PCDHA4: variants seen among roughly 807,000 people sequenced by gnomAD.
PCDHA4 encodes the protein protocadherin alpha-4.
A neutral mutation model predicts 61.4 loss-of-function variants in PCDHA4; 49 were observed. The ratio of observed to expected loss-of-function variants is 0.80; its 90% CI spans 0.63 to 1.01. The LOEUF (loss-of-function observed/expected upper bound fraction) is 1.01, where lower values mean the gene tolerates loss of function less well. Ranked by LOEUF, PCDHA4 falls within the 50% of genes least tolerant of loss-of-function variation. PCDHA4 has a pLI of 0.00. For missense variants in PCDHA4, 1,254 were observed against 1,235.8 expected, an observed-to-expected ratio of 1.01 and a Z score of -0.22; for synonymous variants, 590 against 550.3, an observed-to-expected ratio of 1.07 and a Z score of -1.01.
chr5:140,830,345 C>A lies in PCDHA4; in HGVS notation c.2385+20773C>A, dbSNP rs1275311628. ...CGCAGTGGGGAGCTGGTCGTACTCG[C>A]AGCAGAGGCGGCAGAGGGTGTGCTC... On this transcript the variant is annotated intron_variant, in intron 1 of 3. Transcript: ENST00000530339. 1.2e-6 allele frequency: 2 copies of A among 1,613,980 alleles called. No individual in the cohort carries two copies. Among genetic ancestry groups the A allele is most frequent in the African/African-American group, 2.7e-5 (2 of 74,922 alleles).
chr5:140,924,902 A>AAAAAT (rs1554202311), intron 1 of PCDHA4, among the ~76,000 whole-genome samples: 1 of 39,026 alleles, frequency 2.6e-5, no homozygotes, highest in Non-Finnish European at 6.3e-5. Context: ...CTCAAAAAAA[A>AAAAAT]AAATAAAATA....
chr5:140,807,153 G>T lies in PCDHA4; in HGVS notation c.-35G>T. 2 of 1,581,412 alleles carry T rather than the reference G, an allele frequency of 1.3e-6. No individual in the cohort carries two copies. The highest frequency in any genetic ancestry group is 1.7e-6 in the Non-Finnish European group (2 of 1,163,122). On this transcript the variant is annotated 5_prime_UTR_variant, in exon 1 of 4. Coordinates refer to ENST00000530339, the MANE Select transcript of PCDHA4 (RefSeq NM_018907.4). ...AAGATTTCCCTTGACTTTGAGAAACGATATTTAATCAGAACAAAATACTGT... is the reference window on the plus strand; with the variant it reads ...AAGATTTCCCTTGACTTTGAGAAACTATATTTAATCAGAACAAAATACTGT...
At position 140,836,104 on chromosome 5, in the gene PCDHA4, G is replaced by C. The variant is rs2150252946; in HGVS notation, c.2385+26532G>C. The C allele has an allele frequency of 9.3e-6, 15 of 1,613,730 alleles. 1 individual carries two copies. In the South Asian group the frequency reaches 1.4e-4, roughly 15 times the overall value. ...CTGGCGCCTCGGGTGGGTGGCACTG[G>C]TGGCGCAGTGAGAGAGCTTGTGCCG... is the stretch of plus-strand genomic sequence containing the variant. On this transcript the variant is annotated intron_variant, in intron 1 of 3. Transcript: ENST00000530339.
intron 1 of PCDHA4, among the ~76,000 whole-genome samples, chr5:140,905,634 C>T (rs1554192107): frequency 6.6e-6 from 1 of 152,168 alleles, no homozygotes; most frequent in African/African-American, 2.4e-5. Context: ...ACAGTATGGT[C>T]AGTTTCACAG....
chr5:140,824,431 G>A (rs1581810357), intron 1 of PCDHA4: 2 of 491,526 alleles, frequency 4.1e-6, no homozygotes, highest in Non-Finnish European at 7.1e-6. Context: ...CATTCTCAAA[G>A]TTTCAGTTTA....
intron 1 of PCDHA4, among the ~76,000 whole-genome samples, chr5:140,970,841 C>T (rs782138970): frequency 2.0e-5 from 3 of 150,352 alleles, no homozygotes; most frequent in African/African-American, 7.5e-5. Context: ...ATGTAATGCA[C>T]AGGCACAAAA....
rs1359152136 is a variant in PCDHA4, at chr5:140,969,072, C to T, written c.2386-9877C>T. 2.1e-5 allele frequency: 34 copies of T among 1,613,982 alleles called. No individual in the cohort carries two copies. The highest frequency in any genetic ancestry group is 5.0e-5 in the Admixed American group (3 of 59,998). On this transcript the variant is annotated intron_variant, in intron 1 of 3. Transcript: ENST00000530339. ...AACAACAATATTGATGCCAGGATACCGCATGGCCTCAAAGTGCAGCCTCAC... is the reference window on the plus strand; with the variant it reads ...AACAACAATATTGATGCCAGGATACTGCATGGCCTCAAAGTGCAGCCTCAC...
At chr5:140,988,579 C>T (rs1292742279) in intron 3 of PCDHA4, among the ~76,000 whole-genome samples, 2 of 152,266 alleles carry the variant, frequency 1.3e-5, no homozygotes, top group East Asian at 3.9e-4. Context: ...CACTCTGTAC[C>T]TTCCACTTTT....
intron 3 of PCDHA4, among the ~76,000 whole-genome samples, chr5:140,992,185 C>G (rs1554252730): frequency 1.3e-5 from 2 of 152,102 alleles, no homozygotes; most frequent in African/African-American, 4.8e-5. Context: ...ATCATGCTTT[C>G]AGTGATCTAT....
chr5:140,832,500 G>T (rs1772022478), intron 1 of PCDHA4, among the ~76,000 whole-genome samples: 1 of 152,184 alleles, frequency 6.6e-6, no homozygotes, highest in Non-Finnish European at 1.5e-5. Flanking sequence ...AAGAGTGGCA[G>T]AATTGTCTCT....
chr5:140,927,299 T>C, intron 1 of PCDHA4: 4 of 1,614,086 alleles, frequency 2.5e-6, no homozygotes, highest in Middle Eastern at 1.6e-4. Context: ...ATCCCCGAGT[T>C]CCTGACGCCC....
At chr5:140,968,969 A>C in intron 1 of PCDHA4, 2 of 1,614,230 alleles carry the variant, frequency 1.2e-6, no homozygotes. Flanking sequence ...CTACCGCTAC[A>C]CTGCGTATGG....
chr5:141,004,350 G>A (rs2098163029), intron 3 of PCDHA4, among the ~76,000 whole-genome samples: 1 of 152,192 alleles, frequency 6.6e-6, no homozygotes, highest in South Asian at 2.1e-4. Context: ...GTGAGGGACT[G>A]GAGAGACCAC....
chr5:140,876,069 A>G (rs1554168246), intron 1 of PCDHA4: 1 of 1,613,948 alleles, frequency 6.2e-7, no homozygotes, highest in South Asian at 1.1e-5. Flanking sequence ...TTCGGAAGTT[A>G]TTGGACAGAG....
chr5:140,862,794 G>A (rs1554156969), intron 1 of PCDHA4: 1 of 575,742 alleles, frequency 1.7e-6, no homozygotes, highest in Non-Finnish European at 3.3e-6. Flanking sequence ...ACTACGAGGA[G>A]CTGGAGCTGC....
intron 1 of PCDHA4, chr5:140,822,078 C>T (rs1554128433): frequency 6.2e-7 from 1 of 1,614,102 alleles, no homozygotes; most frequent in Admixed American, 1.7e-5. Flanking sequence ...GGGCGGAGTG[C>T]AGCATCCACC....
chr5:140,878,060 T>C (rs1251415258), intron 1 of PCDHA4: 2 of 426,090 alleles, frequency 4.7e-6, no homozygotes, highest in Non-Finnish European at 7.6e-6. Flanking sequence ...CCACACTTAA[T>C]ATTTTTCTTT....
At position 140,850,172 on chromosome 5, in the gene PCDHA4, C is replaced by G. The variant is rs756590916; in HGVS notation, c.2385+40600C>G. 10 of 1,594,266 alleles carry G rather than the reference C, an allele frequency of 6.3e-6. 1 individual carries two copies. The highest frequency in any genetic ancestry group is 1.3e-5 in the African/African-American group (1 of 74,338). On this transcript the variant is annotated intron_variant, in intron 1 of 3. Coordinates refer to ENST00000530339, the MANE Select transcript of PCDHA4 (RefSeq NM_018907.4). ...TGCAGGTGTTCGTGCTGGACGAGAA[C>G]GACAATGCGCCGGCGCTGCTGACAC... is the stretch of plus-strand genomic sequence containing the variant.
chr5:140,966,930 G>A (rs1554228913), intron 1 of PCDHA4: 1 of 1,603,704 alleles, frequency 6.2e-7, no homozygotes, highest in Middle Eastern at 1.7e-4. Flanking sequence ...CAGGCACCCG[G>A]CGCGCTCGTG....
Sources: gnomAD v4.1 joint callset for allele counts (sites outside exome capture counted in the v4.1 genomes callset) on GRCh38, gnomAD v4.1.1 for gene constraint, MANE v1.5 for transcripts, NCBI Gene and HGNC (gene_info 2026-07-23, HGNC 2026-07-21) for gene names.